Variants in ADGRL3 observed in about 807,000 individuals in gnomAD.
ADGRL3 encodes adhesion G protein-coupled receptor L3, also known as calcium-independent alpha-latrotoxin receptor 3.
A neutral mutation model predicts 153.5 loss-of-function variants in ADGRL3; 62 were observed. The observed-to-expected ratio is 0.40, with a 90% CI of 0.33 to 0.50. The LOEUF (loss-of-function observed/expected upper bound fraction) is 0.50, where lower values mean the gene tolerates loss of function less well. Ranked by LOEUF, ADGRL3 falls within the 20% of genes least tolerant of loss-of-function variation. The probability of loss-of-function intolerance (pLI) is 0.47; values close to 1 mark genes in which losing one functional copy is unlikely to be tolerated. For missense variants in ADGRL3, 1,641 were observed against 1,859.4 expected, an observed-to-expected ratio of 0.88 and a Z score of 2.16; for synonymous variants, 710 against 672.5, an observed-to-expected ratio of 1.06 and a Z score of -0.86.
chr4:61,262,006 T>TAA (rs10669479), intron 1 of ADGRL3, among the ~76,000 whole-genome samples: 98,684 of 151,772 alleles, frequency 0.65, 32,235 homozygotes, highest in East Asian at 0.7. Flanking sequence ...ATTGAAATAT[T>TAA]AAGAGAGACC....
At chr4:61,328,630 C>T (rs780808627) in intron 1 of ADGRL3, among the ~76,000 whole-genome samples, 5 of 152,002 alleles carry the variant, frequency 3.3e-5, no homozygotes, top group South Asian at 4.1e-4. Flanking sequence ...ATTTTATTAA[C>T]GATTAATTTG....
At chr4:61,745,464 G>A (rs2096643938) in intron 8 of ADGRL3, among the ~76,000 whole-genome samples, 1 of 152,100 alleles carries the variant, frequency 6.6e-6, no homozygotes, top group South Asian at 2.1e-4. Flanking sequence ...AGAAAGAAAG[G>A]CAGGGTTACC....
intron 1 of ADGRL3, among the ~76,000 whole-genome samples, chr4:61,261,480 T>A (rs2092517551): frequency 6.6e-6 from 1 of 152,196 alleles, no homozygotes; most frequent in Non-Finnish European, 1.5e-5. Context: ...TTTTTCTGAA[T>A]ATTTTTGATG....
chr4:61,395,609 A>G (rs2096859381), intron 2 of ADGRL3, among the ~76,000 whole-genome samples: 1 of 151,974 alleles, frequency 6.6e-6, no homozygotes, highest in Admixed American at 6.6e-5. Flanking sequence ...TTAATTTTAC[A>G]TGACAAATAT....
At chr4:61,480,783 A>AAAAT (rs147263201) in intron 2 of ADGRL3, among the ~76,000 whole-genome samples, 18,791 of 151,572 alleles carry the variant, frequency 0.12, 1,355 homozygotes, top group Non-Finnish European at 0.15. Context: ...ACTCCTTCTC[A>AAAAT]AAATAAATAA....
At chr4:61,947,525 T>C (rs1260767074) in intron 16 of ADGRL3, among the ~76,000 whole-genome samples, 1 of 152,202 alleles carries the variant, frequency 6.6e-6, no homozygotes, top group South Asian at 2.1e-4. Context: ...TGTGAGACGA[T>C]GGATATATTA....
intron 13 of ADGRL3, among the ~76,000 whole-genome samples, chr4:61,927,905 A>G (rs150436145): frequency 1.9e-3 from 285 of 152,096 alleles, no homozygotes; most frequent in Middle Eastern, 3.4e-3. Flanking sequence ...CTGTCTATCT[A>G]TCTATCTATC....
intron 5 of ADGRL3, among the ~76,000 whole-genome samples, chr4:61,653,740 T>C (rs1043723692): frequency 6.6e-6 from 1 of 152,180 alleles, no homozygotes; most frequent in Non-Finnish European, 1.5e-5. Flanking sequence ...TTCCATTGTT[T>C]TTAGCAAAAT....
chr4:61,574,336 G>A (rs1203677267), intron 4 of ADGRL3, among the ~76,000 whole-genome samples: 1 of 151,966 alleles, frequency 6.6e-6, no homozygotes, highest in Non-Finnish European at 1.5e-5. Context: ...GTATGTGGAT[G>A]TAACTATCAT....
intron 9 of ADGRL3, among the ~76,000 whole-genome samples, chr4:61,885,403 T>C (rs1581295174): frequency 1.3e-5 from 2 of 152,308 alleles, no homozygotes; most frequent in East Asian, 3.9e-4. Flanking sequence ...ATTGTTCTAC[T>C]TATGAATTTG....
chr4:61,669,956 C>G (rs1250319059), intron 5 of ADGRL3, among the ~76,000 whole-genome samples: 1 of 152,096 alleles, frequency 6.6e-6, no homozygotes, highest in African/African-American at 2.4e-5. Context: ...AACCTAGAAC[C>G]CCTGTGAATT....
chr4:61,432,987 G>T (rs2097394159), intron 2 of ADGRL3, among the ~76,000 whole-genome samples: 1 of 151,632 alleles, frequency 6.6e-6, no homozygotes, highest in African/African-American at 2.4e-5. Context: ...ATTAAAACTG[G>T]CAATTCTAGA....
At chr4:61,415,305 T>C (rs2097133405) in intron 2 of ADGRL3, among the ~76,000 whole-genome samples, 1 of 152,020 alleles carries the variant, frequency 6.6e-6, no homozygotes, top group African/African-American at 2.4e-5. Flanking sequence ...TTGAAAAATA[T>C]TATTTATAAG....
chr4:61,738,028 A>C (rs4371644), intron 8 of ADGRL3, among the ~76,000 whole-genome samples: 68,131 of 151,574 alleles, frequency 0.45, 15,657 homozygotes, highest in East Asian at 0.64. Flanking sequence ...TGCACCCATC[A>C]CTCGAGCATT....
chr4:61,590,875 C>T (rs1237883370), intron 5 of ADGRL3, among the ~76,000 whole-genome samples: 1 of 152,108 alleles, frequency 6.6e-6, no homozygotes, highest in African/African-American at 2.4e-5. Flanking sequence ...AAGGGCATAG[C>T]TTTTTTCTAG....
chr4:61,428,990 GA>G (rs1472216711), intron 2 of ADGRL3, among the ~76,000 whole-genome samples: 1 of 151,252 alleles, frequency 6.6e-6, no homozygotes, highest in African/African-American at 2.4e-5. Flanking sequence ...ATGGCTTAAT[GA>G]AAAAAAGCAT....
intron 2 of ADGRL3, among the ~76,000 whole-genome samples, chr4:61,466,305 G>A (rs141177630): frequency 2.5e-3 from 386 of 151,860 alleles, no homozygotes; most frequent in Admixed American, 3.5e-3. Context: ...AAAAATTGTC[G>A]TCTCTAAAAT....
chr4:62,025,064 T>C (rs1019513316), intron 21 of ADGRL3, among the ~76,000 whole-genome samples: 1 of 152,116 alleles, frequency 6.6e-6, no homozygotes, highest in Non-Finnish European at 1.5e-5. Flanking sequence ...GGAGGAAATA[T>C]TAAGCTGTCA....
At chr4:61,722,514 G>A (rs939421893) in intron 6 of ADGRL3, among the ~76,000 whole-genome samples, 7 of 151,962 alleles carry the variant, frequency 4.6e-5, no homozygotes, top group African/African-American at 1.7e-4. Flanking sequence ...ACTTGGGGCT[G>A]GATTCACTAG....
Sources: allele counts gnomAD v4.1 joint callset (sites outside exome capture counted in the v4.1 genomes callset), GRCh38; gene constraint gnomAD v4.1.1; transcripts MANE v1.5; gene names NCBI Gene and HGNC (gene_info 2026-07-23, HGNC 2026-07-21).